SGO1: variants seen among roughly 807,000 people sequenced by gnomAD.
The protein encoded by SGO1 is serologically defined breast cancer antigen NY-BR-85.
Under a neutral mutation model 50.5 loss-of-function variants are expected in SGO1, and 39 were observed. The ratio of observed to expected loss-of-function variants is 0.77; its 90% CI spans 0.60 to 1.01. The LOEUF (loss-of-function observed/expected upper bound fraction) is 1.01, where lower values mean the gene tolerates loss of function less well. SGO1 is among the 50% of genes least tolerant of loss of function. SGO1 has a pLI of 0.00. For missense variants in SGO1, 638 were observed against 606.0 expected (o/e 1.05, Z -0.55); for synonymous variants, 191 against 205.1 (o/e 0.93, Z 0.59).
chr3:20,184,411 C>T (rs560737505), intron 1 of SGO1, among the ~76,000 whole-genome samples: 1 of 152,156 alleles, frequency 6.6e-6, no homozygotes, highest in South Asian at 2.1e-4. Context: ...TGTTTAGGAC[C>T]AACTTTTACT....
At chr3:20,164,785 T>C (rs1700212202), downstream of SGO1, among the ~76,000 whole-genome samples, 1 of 151,956 alleles carries the variant, frequency 6.6e-6, no homozygotes, top group Non-Finnish European at 1.5e-5. Flanking sequence ...TAACAGAAAA[T>C]TAAAAATAAT....
intron 5 of SGO1, among the ~76,000 whole-genome samples, chr3:20,176,222 TA>T (rs1701371662): frequency 6.6e-6 from 1 of 152,200 alleles, no homozygotes; most frequent in Non-Finnish European, 1.5e-5. Context: ...TGTTAACATC[TA>T]GACTTCTTCA....
intron 5 of SGO1, 86 bp from the exon 6 acceptor site, chr3:20,175,141 G>C: frequency 3.9e-6 from 5 of 1,297,740 alleles, no homozygotes; most frequent in Non-Finnish European, 5.0e-6. Context: ...AACTAAAAAA[G>C]TGAATGACCA....
At chr3:20,186,798 A>G (rs1313203300), upstream of SGO1, 1 of 152,100 alleles carries the variant, frequency 6.6e-6, no homozygotes, top group Non-Finnish European at 1.5e-5. Flanking sequence ...AATCGTCCTT[A>G]ATGATTATTT....
At chr3:20,161,421 G>A (rs1237098856) in intron 8 of SGO1, among the ~76,000 whole-genome samples, 2 of 152,114 alleles carry the variant, frequency 1.3e-5, no homozygotes, top group Admixed American at 6.5e-5. Context: ...GCTAAAAATA[G>A]AGAAAACATT....
At chr3:20,162,470 A>C (rs76348655) in intron 8 of SGO1, among the ~76,000 whole-genome samples, 5,118 of 152,284 alleles carry the variant, frequency 0.034, 216 homozygotes, top group East Asian at 0.2. Context: ...CTGATCTCTA[A>C]CAAACTTAAT....
Position 20,170,399 on chromosome 3 carries a change from C to CAAA in SGO1, c.*302_*304dup. 8 of 735,182 alleles carry CAAA rather than the reference C, an allele frequency of 1.1e-5. No homozygotes were observed. The highest frequency in any genetic ancestry group is 1.1e-5 in the Non-Finnish European group (7 of 629,962). 45.5% of individuals were successfully genotyped at this position (735,182 alleles called of 1,614,324 possible). On this transcript the variant is annotated 3_prime_UTR_variant, in exon 8 of 8. Coordinates refer to ENST00000412997, the MANE Select transcript of SGO1 (RefSeq NM_001199251.3). The stretch of plus-strand genomic sequence containing the variant: ...GGCAACAAGAATGAAATTCCGCCTC[C>CAAA]AAAAAAAAAAAAAGATATATTTCGA...
At chr3:20,178,417 A>G in intron 3 of SGO1, 70 bp from the exon 4 acceptor site, 1 of 1,126,280 alleles carries the variant, frequency 8.9e-7, no homozygotes, top group Non-Finnish European at 1.4e-6. Flanking sequence ...TTTATTCAAC[A>G]ATATGCACTT....
Position 20,170,782 on chromosome 3 carries a change from C to T in SGO1, c.1506G>A (p.Leu502=), listed in dbSNP as rs761342521. The T allele has an allele frequency of 2.1e-5, 33 of 1,595,622 alleles. No homozygotes were observed. Among genetic ancestry groups the T allele is most frequent in the Admixed American group, 3.7e-5 (2 of 53,616 alleles). ...KLRRGDPFTD[L]CFLNSPIFKQ... Reference sequence around the variant, plus strand: ...TGAAAATAGGAGAATTCAAAAAACACAAATCTGTAAAAGGGTCCCCTCTTC... The same window carrying T: ...TGAAAATAGGAGAATTCAAAAAACATAAATCTGTAAAAGGGTCCCCTCTTC... The change falls in exon 8 of 8, where the codon TTG becomes TTA. Residue 502 remains leucine, a synonymous_variant. Coordinates refer to ENST00000412997, the MANE Select transcript of SGO1 (RefSeq NM_001199251.3).
chr3:20,174,458 C>T lies in SGO1; in HGVS notation c.1073G>A (p.Arg358Lys). 6.2e-7 allele frequency: 1 copy of T among 1,614,132 alleles called. No individual in the cohort carries two copies. The highest frequency in any genetic ancestry group is 8.5e-7 in the Non-Finnish European group (1 of 1,180,012). ...FRQKVSNDSN[R>K]EENNESEVSL... Reference sequence around the variant, plus strand: ...CACTTCAGACTCGTTGTTTTCTTCTCTATTAGAGTCATTGCTCACTTTTTG... The same window carrying T: ...CACTTCAGACTCGTTGTTTTCTTCTTTATTAGAGTCATTGCTCACTTTTTG... The change falls in exon 6 of 8, where the codon AGA (arginine) becomes AAA (lysine). Residue 358 changes from arginine (R) to lysine (K), a missense_variant. By Grantham distance (26) the Arg-to-Lys change is conservative. Coordinates refer to ENST00000412997, the MANE Select transcript of SGO1 (RefSeq NM_001199251.3).
In SGO1 at chr3:20,171,084, C is replaced by T. The variant is rs1251954717; in HGVS notation, c.1431G>A (p.Arg477=). ...ASPAVALPKR[R]CTASVNYKEP... Reference sequence around the variant, plus strand: ...CCTTATAGTTCACGCTGGCTGTGCACCTACGTTTAGGCAGAGCCACTGCTG... The same window carrying T: ...CCTTATAGTTCACGCTGGCTGTGCATCTACGTTTAGGCAGAGCCACTGCTG... Residue 477 remains arginine (R), a synonymous_variant, in exon 7 of 8, where the codon AGG becomes AGA. Transcript: ENST00000412997. 4 of 1,607,350 alleles carry T rather than the reference C, an allele frequency of 2.5e-6. No individual in the cohort carries two copies. The highest frequency in any genetic ancestry group is 8.5e-7 in the Non-Finnish European group (1 of 1,178,272).
intron 8 of SGO1, among the ~76,000 whole-genome samples, chr3:20,163,077 A>G (rs183743611): frequency 1.4e-4 from 22 of 152,268 alleles, no homozygotes; most frequent in South Asian, 4.1e-4. Flanking sequence ...AGGAAAGGGC[A>G]AATTAAATCC....
intron 3 of SGO1, among the ~76,000 whole-genome samples, chr3:20,179,762 G>T (rs1701804220): frequency 6.6e-6 from 1 of 152,070 alleles, no homozygotes; most frequent in Non-Finnish European, 1.5e-5. Flanking sequence ...GTAGAATGAG[G>T]AAGAAATCAG....
At chr3:20,169,232 T>C, downstream of SGO1, 1 of 985,248 alleles carries the variant, frequency 1.0e-6, no homozygotes, top group Non-Finnish European at 1.2e-6. Flanking sequence ...TTATAATTTG[T>C]TAATCATGAA....
chr3:20,182,500 C>T (rs1024235820), intron 3 of SGO1, among the ~76,000 whole-genome samples: 1 of 152,092 alleles, frequency 6.6e-6, no homozygotes, highest in Admixed American at 6.5e-5. Context: ...TTTTTCTCTG[C>T]CCCATTTCCT....
At chr3:20,180,420 G>C (rs1701879663) in intron 3 of SGO1, among the ~76,000 whole-genome samples, 1 of 152,128 alleles carries the variant, frequency 6.6e-6, no homozygotes, top group African/African-American at 2.4e-5. Flanking sequence ...ACCAGGAGAG[G>C]TTTCATTACT....
chr3:20,183,177 C>T (rs1702222538), intron 3 of SGO1, among the ~76,000 whole-genome samples: 1 of 152,142 alleles, frequency 6.6e-6, no homozygotes, highest in South Asian at 2.1e-4. Context: ...TAAAACCCCA[C>T]TGGATAAAGC....
Position 20,161,173 on chromosome 3 carries a change from G to A in SGO1, c.1618C>T (p.Arg540Ter), listed in dbSNP as rs772177960. The change falls in exon 9 of 9, where the codon CGA becomes TGA. Residue 540 changes from arginine to a stop codon, truncating the protein, a stop_gained. Coordinates refer to the SGO1 transcript ENST00000263753. LOFTEE classifies it high-confidence loss of function. ...TCTGGGAATCTCGAAACAAATTCTC[G>A]AACATAATATAAAATAAAAATTGCT... The A allele has an allele frequency of 8.1e-6, 13 of 1,612,066 alleles. No individual in the cohort carries two copies. In the Admixed American group the frequency reaches 8.4e-5, roughly 10 times the overall value.
downstream of SGO1, among the ~76,000 whole-genome samples, chr3:20,165,072 G>GA (rs1232954830): frequency 6.6e-6 from 1 of 152,194 alleles, no homozygotes; most frequent in Non-Finnish European, 1.5e-5. Context: ...AATTTATAAA[G>GA]AAAAAATGTT....
Sources: gnomAD v4.1 joint callset for allele counts (sites outside exome capture counted in the v4.1 genomes callset) on GRCh38, gnomAD v4.1.1 for gene constraint, MANE v1.5 for transcripts, NCBI Gene and HGNC (gene_info 2026-07-23, HGNC 2026-07-21) for gene names.